Variants in MYO3B observed in about 807,000 individuals in gnomAD.
The protein encoded by MYO3B is myosin IIIB.
In MYO3B, 156 loss-of-function variants were observed where a neutral mutation model predicts 174.6. That is an observed-to-expected ratio of 0.89 (90% CI 0.78 to 1.02). The LOEUF (loss-of-function observed/expected upper bound fraction) is 1.02. MYO3B is among the 50% of genes least tolerant of loss of function. MYO3B has a pLI of 0.00. For missense variants in MYO3B, 1,632 were observed against 1,639.4 expected, an observed-to-expected ratio of 1.00 and a Z score of 0.08; for synonymous variants, 563 against 569.1, an observed-to-expected ratio of 0.99 and a Z score of 0.15.
intron 7 of MYO3B, among the ~76,000 whole-genome samples, chr2:170,311,158 C>T (rs961926727): frequency 7.2e-5 from 11 of 151,992 alleles, no homozygotes; most frequent in Admixed American, 6.6e-4. Flanking sequence ...AAATGCTGGG[C>T]GATTCTGTGT....
At chr2:170,411,854 GAGGCACACTCTC>G (rs2105827841) in intron 22 of MYO3B, 1 of 152,380 alleles carries the variant, frequency 6.6e-6, no homozygotes, top group South Asian at 2.1e-4. Flanking sequence ...CTGTGCCTGA[GAGGCACACTCTC>G]ACTGCAAGGT....
At chr2:170,295,552 C>T (rs2093623974) in intron 7 of MYO3B, among the ~76,000 whole-genome samples, 1 of 151,998 alleles carries the variant, frequency 6.6e-6, no homozygotes, top group Non-Finnish European at 1.5e-5. Context: ...CTCAATTCAT[C>T]CATGTATTCT....
intron 32 of MYO3B, among the ~76,000 whole-genome samples, chr2:170,573,155 A>G (rs1692551511): frequency 6.7e-6 from 1 of 150,126 alleles, no homozygotes; most frequent in Non-Finnish European, 1.5e-5. Context: ...AGGGGATACT[A>G]TATATATATA....
intron 25 of MYO3B, among the ~76,000 whole-genome samples, chr2:170,495,501 T>C (rs1157017860): frequency 1.3e-5 from 2 of 152,078 alleles, no homozygotes; most frequent in African/African-American, 2.4e-5. Flanking sequence ...GATGTTTTGG[T>C]TGATGGACTG....
At chr2:170,557,580 T>G (rs1691418565) in intron 32 of MYO3B, among the ~76,000 whole-genome samples, 1 of 152,172 alleles carries the variant, frequency 6.6e-6, no homozygotes, top group Non-Finnish European at 1.5e-5. Flanking sequence ...CAGCAGATGT[T>G]ACTTGAGCAC....
At chr2:170,528,508 C>G (rs1263861979) in intron 30 of MYO3B, among the ~76,000 whole-genome samples, 1 of 152,262 alleles carries the variant, frequency 6.6e-6, no homozygotes, top group East Asian at 1.9e-4. Flanking sequence ...CGGGTTTAAC[C>G]GATTCTCCTG....
At chr2:170,614,260 GT>G (rs1202843883) in intron 32 of MYO3B, among the ~76,000 whole-genome samples, 1 of 152,090 alleles carries the variant, frequency 6.6e-6, no homozygotes, top group Non-Finnish European at 1.5e-5. Flanking sequence ...ACCTTGTAAG[GT>G]TGCTAGAGTA....
At chr2:170,622,334 T>G (rs1361745666) in intron 32 of MYO3B, among the ~76,000 whole-genome samples, 3 of 152,332 alleles carry the variant, frequency 2.0e-5, no homozygotes, top group Admixed American at 2.0e-4. Flanking sequence ...TTAGTGCTTA[T>G]TTGAATTAGA....
At chr2:170,397,515 A>T (rs1203271774) in intron 16 of MYO3B, among the ~76,000 whole-genome samples, 1 of 152,234 alleles carries the variant, frequency 6.6e-6, no homozygotes, top group African/African-American at 2.4e-5. Context: ...TAAGTTTTTA[A>T]ATAAGTAAAT....
chr2:170,433,160 T>G lies in MYO3B; in HGVS notation c.2651-10807T>G, dbSNP rs544048880. 8.5e-5 allele frequency among the ~76,000 whole-genome samples: 13 copies of G among 152,320 alleles called. No homozygotes were observed. In the South Asian group the frequency reaches 1.2e-3, roughly 15 times the overall value. On this transcript the variant is annotated intron_variant, in intron 22 of 34. Transcript: ENST00000408978. ...TCTATGTTTAGATACACAAATACTT[T>G]CCATTGTGTTATAATTGCCTATAGT...
chr2:170,631,292 G>A (rs1696950604), intron 32 of MYO3B, among the ~76,000 whole-genome samples: 1 of 152,046 alleles, frequency 6.6e-6, no homozygotes, highest in African/African-American at 2.4e-5. Flanking sequence ...CTGGAAGAAA[G>A]GGTATCAATG....
At chr2:170,433,250 C>T (rs1384061801) in intron 22 of MYO3B, among the ~76,000 whole-genome samples, 1 of 151,902 alleles carries the variant, frequency 6.6e-6, no homozygotes, top group African/African-American at 2.4e-5. Flanking sequence ...CCAGGTGTGT[C>T]AACCAAAACA....
intron 6 of MYO3B, among the ~76,000 whole-genome samples, chr2:170,223,731 A>C (rs2092924690): frequency 1.3e-5 from 2 of 152,184 alleles, no homozygotes; most frequent in African/African-American, 2.4e-5. Context: ...TACCTAAAAA[A>C]CTTTTTCTAC....
chr2:170,360,712 C>CGTG (rs2094154242), intron 8 of MYO3B, among the ~76,000 whole-genome samples: 1 of 152,148 alleles, frequency 6.6e-6, no homozygotes, highest in Non-Finnish European at 1.5e-5. Flanking sequence ...AGAGCCTCTC[C>CGTG]GTGGTGAATG....
rs999255398 is a variant in MYO3B at position 170,294,457 on chromosome 2, C to T, written c.750-40928C>T. ...AAAAATATAAGTTTCAAACAAATAGCTTGCTATATTTTTGAAGATTGATTT... is the reference window on the plus strand; with the variant it reads ...AAAAATATAAGTTTCAAACAAATAGTTTGCTATATTTTTGAAGATTGATTT... On this transcript the variant is annotated intron_variant, in intron 7 of 34. Transcript: ENST00000408978. 2.1e-4 allele frequency among the ~76,000 whole-genome samples: 32 copies of T among 151,928 alleles called. No individual in the cohort carries two copies. The East Asian group carries it at 6.0e-3, about 28-fold the overall frequency.
At chr2:170,193,966 T>G (rs1371936127) in intron 1 of MYO3B, among the ~76,000 whole-genome samples, 5 of 152,178 alleles carry the variant, frequency 3.3e-5, no homozygotes, top group Admixed American at 1.3e-4. Flanking sequence ...ACATTTCCCT[T>G]TTGTAAACAT....
intron 7 of MYO3B, among the ~76,000 whole-genome samples, chr2:170,328,356 G>A (rs1166900927): frequency 6.6e-6 from 1 of 152,128 alleles, no homozygotes; most frequent in Non-Finnish European, 1.5e-5. Flanking sequence ...ACCACTCAAG[G>A]TCACTATTTA....
chr2:170,638,562 G>GAGTT (rs1697715280), intron 32 of MYO3B, among the ~76,000 whole-genome samples: 1 of 152,152 alleles, frequency 6.6e-6, no homozygotes, highest in African/African-American at 2.4e-5. Flanking sequence ...GATTACTCTG[G>GAGTT]AGTTACAGCA....
intron 8 of MYO3B, among the ~76,000 whole-genome samples, chr2:170,368,966 T>C (rs1037574743): frequency 2.6e-5 from 4 of 152,234 alleles, no homozygotes; most frequent in African/African-American, 9.6e-5. Flanking sequence ...TACTTCAAGT[T>C]GATGGTACAA....
Sources: gnomAD v4.1 joint callset for allele counts (sites outside exome capture counted in the v4.1 genomes callset) on GRCh38, gnomAD v4.1.1 for gene constraint, MANE v1.5 for transcripts, NCBI Gene and HGNC (gene_info 2026-07-23, HGNC 2026-07-21) for gene names.